The following HDAC9 variants were observed in gnomAD, a reference collection of about 807,000 sequenced individuals.
HDAC9 encodes histone deacetylase 9.
Under a neutral mutation model 139.4 loss-of-function variants are expected in HDAC9, and 41 were observed. That is an observed-to-expected ratio of 0.29 (90% CI 0.23 to 0.38). The LOEUF (loss-of-function observed/expected upper bound fraction) is 0.38, where lower values mean the gene tolerates loss of function less well. Among genes scored for constraint, HDAC9 ranks in the 10% least tolerant of loss-of-function variants. The probability of loss-of-function intolerance (pLI) is 1.00; values close to 1 mark genes in which losing one functional copy is unlikely to be tolerated. For missense variants in HDAC9, 1,147 were observed against 1,297.0 expected (o/e 0.88, Z 1.78); for synonymous variants, 517 against 476.2 (o/e 1.09, Z -1.12).
chr7:18,313,233 G>T (rs1219914361), intron 1 of HDAC9, among the ~76,000 whole-genome samples: 1 of 152,106 alleles, frequency 6.6e-6, no homozygotes, highest in African/African-American at 2.4e-5. Flanking sequence ...ATGAAAAATA[G>T]ACCAGTAAAG....
At chr7:18,324,906 TTGAAAA>T (rs1358811336) in intron 1 of HDAC9, among the ~76,000 whole-genome samples, 3 of 152,158 alleles carry the variant, frequency 2.0e-5, no homozygotes, top group African/African-American at 7.2e-5. Flanking sequence ...TAAGCTCCAG[TTGAAAA>T]TAGTATAAAG....
chr7:18,371,020 C>T (rs73307427), intron 1 of HDAC9, among the ~76,000 whole-genome samples: 8,427 of 152,172 alleles, frequency 0.055, 228 homozygotes, highest in Middle Eastern at 0.078. Context: ...GTCCAGAACT[C>T]GCGCATCATG....
intron 1 of HDAC9, among the ~76,000 whole-genome samples, chr7:18,317,783 A>G (rs1302746300): frequency 2.0e-5 from 3 of 152,186 alleles, no homozygotes; most frequent in Non-Finnish European, 4.4e-5. Context: ...GTGTAAGGCA[A>G]TCCTTTGTGT....
intron 1 of HDAC9, among the ~76,000 whole-genome samples, chr7:18,405,115 A>G (rs1355169057): frequency 1.1e-4 from 17 of 152,254 alleles, no homozygotes; most frequent in Non-Finnish European, 1.8e-4. Flanking sequence ...CAAACTCCAT[A>G]TAGATAGTGG....
chr7:18,782,850 G>A (rs1036553112), intron 16 of HDAC9, among the ~76,000 whole-genome samples: 4 of 151,956 alleles, frequency 2.6e-5, no homozygotes, highest in Admixed American at 6.6e-5. Flanking sequence ...CTTAGGTCAC[G>A]GATCGGTGAA....
chr7:18,355,564 G>T (rs17419079), intron 1 of HDAC9, among the ~76,000 whole-genome samples: 2,433 of 152,176 alleles, frequency 0.016, 34 homozygotes, highest in East Asian at 0.034. Context: ...TTTTGAAATG[G>T]ACTGTTGGAC....
At chr7:18,437,238 A>G (rs556586552) in intron 1 of HDAC9, among the ~76,000 whole-genome samples, 2 of 152,202 alleles carry the variant, frequency 1.3e-5, no homozygotes, top group African/African-American at 2.4e-5. Context: ...GTGTGTTTAT[A>G]TACATATGAT....
At chr7:18,116,672 A>G (rs531071978) in intron 1 of HDAC9, among the ~76,000 whole-genome samples, 4 of 152,242 alleles carry the variant, frequency 2.6e-5, no homozygotes, top group East Asian at 3.9e-4. Flanking sequence ...AATAGAGTTG[A>G]TTTAATAAAT....
At position 18,982,409 on chromosome 7, in the gene HDAC9, C is replaced by T. The variant is rs139970791; in HGVS notation, c.3170+6456C>T. Among the ~76,000 whole-genome samples the T allele has an allele frequency of 4.9e-3, 746 of 152,204 alleles. 9 individuals carry two copies. The highest frequency in any genetic ancestry group is 0.017 in the African/African-American group (721 of 41,536). Reference sequence around the variant, plus strand: ...GCTCCATAAGGTCTGTATTAGTAGACTCATACCTATAATTCCTGCCTTACT... The same window carrying T: ...GCTCCATAAGGTCTGTATTAGTAGATTCATACCTATAATTCCTGCCTTACT... On this transcript the variant is annotated intron_variant, in intron 25 of 25. Transcript: ENST00000686413.
At chr7:18,313,194 A>T (rs1799428669) in intron 1 of HDAC9, among the ~76,000 whole-genome samples, 1 of 152,136 alleles carries the variant, frequency 6.6e-6, no homozygotes, top group Non-Finnish European at 1.5e-5. Context: ...TCAGGGAAAA[A>T]GTATTCAATA....
chr7:18,355,728 G>C (rs1783206635), intron 1 of HDAC9, among the ~76,000 whole-genome samples: 1 of 152,122 alleles, frequency 6.6e-6, no homozygotes, highest in Non-Finnish European at 1.5e-5. Flanking sequence ...GGTTTGGTGA[G>C]GGATTTAACC....
chr7:18,820,300 C>A (rs972642847), intron 17 of HDAC9, among the ~76,000 whole-genome samples: 2 of 151,966 alleles, frequency 1.3e-5, no homozygotes, highest in African/African-American at 4.8e-5. Flanking sequence ...TGTTCTTGAG[C>A]CAAGGAGAAA....
intron 1 of HDAC9, among the ~76,000 whole-genome samples, chr7:18,309,028 T>C (rs537285911): frequency 6.6e-6 from 1 of 152,326 alleles, no homozygotes; most frequent in South Asian, 2.1e-4. Flanking sequence ...ATGCAAATTA[T>C]CTGCTTGTGT....
intron 1 of HDAC9, among the ~76,000 whole-genome samples, chr7:18,420,618 A>T (rs1400973609): frequency 2.0e-5 from 3 of 152,184 alleles, no homozygotes; most frequent in African/African-American, 7.2e-5. Flanking sequence ...CACTGACTCC[A>T]TAAATTTTTA....
chr7:18,661,528 C>T (rs1793128053), intron 11 of HDAC9, among the ~76,000 whole-genome samples: 1 of 151,968 alleles, frequency 6.6e-6, no homozygotes. Context: ...TAGGTTTCTA[C>T]TCTTTTTTTT....
At chr7:18,391,487 G>A (rs76526501) in intron 1 of HDAC9, among the ~76,000 whole-genome samples, 4,691 of 152,056 alleles carry the variant, frequency 0.031, 162 homozygotes, top group East Asian at 0.18. Flanking sequence ...TAGATGTTTC[G>A]GGAAATCCTG....
chr7:18,535,918 C>G (rs540367930), intron 2 of HDAC9, among the ~76,000 whole-genome samples: 21 of 152,144 alleles, frequency 1.4e-4, no homozygotes, highest in African/African-American at 5.1e-4. Flanking sequence ...CAGATGGTAG[C>G]CAAAGCAACT....
chr7:18,117,247 G>A (rs1405111280), intron 1 of HDAC9, among the ~76,000 whole-genome samples: 2 of 151,980 alleles, frequency 1.3e-5, no homozygotes, highest in Non-Finnish European at 2.9e-5. Context: ...AATATGACTG[G>A]TATCCTTATA....
At chr7:18,653,398 T>C (rs1341854543) in intron 11 of HDAC9, among the ~76,000 whole-genome samples, 1 of 152,194 alleles carries the variant, frequency 6.6e-6, no homozygotes, top group Non-Finnish European at 1.5e-5. Flanking sequence ...TTTTCTTTCT[T>C]GCTTGCTCGC....
Sources: gnomAD v4.1 joint callset for allele counts (sites outside exome capture counted in the v4.1 genomes callset) on GRCh38, gnomAD v4.1.1 for gene constraint, MANE v1.5 for transcripts, NCBI Gene and HGNC (gene_info 2026-07-23, HGNC 2026-07-21) for gene names.